LRP6: variants seen among roughly 807,000 people sequenced by gnomAD.
LRP6 encodes low-density lipoprotein receptor-related protein 6.
LRP6 carries 43 observed loss-of-function variants against 184.1 expected under a neutral mutation model. The observed-to-expected ratio is 0.23, with a 90% CI of 0.18 to 0.30. The LOEUF (loss-of-function observed/expected upper bound fraction) is 0.30, where lower values mean the gene tolerates loss of function less well. LRP6 is among the 10% of genes least tolerant of loss of function. LRP6 has a pLI of 1.00. For synonymous variants in LRP6, 719 were observed against 684.9 expected, an observed-to-expected ratio of 1.05 and a Z score of -0.78; for missense variants, 1,571 against 2,005.3, an observed-to-expected ratio of 0.78 and a Z score of 4.14.
At chr12:12,223,652 C>T (rs1481041091) in intron 2 of LRP6, among the ~76,000 whole-genome samples, 2 of 151,898 alleles carry the variant, frequency 1.3e-5, no homozygotes, top group Non-Finnish European at 2.9e-5. Flanking sequence ...TCTACTACTC[C>T]TATCTTAATT....
intron 4 of LRP6, 114 bp from the exon 5 acceptor site, chr12:12,184,225 G>C: frequency 2.4e-6 from 2 of 830,578 alleles, no homozygotes; most frequent in Non-Finnish European, 4.1e-6. Flanking sequence ...TGTCATGCAG[G>C]TGCTTGACTA....
chr12:12,149,551 G>C (rs1950052958), intron 13 of LRP6, among the ~76,000 whole-genome samples: 1 of 152,204 alleles, frequency 6.6e-6, no homozygotes, highest in Admixed American at 6.5e-5. Context: ...ATGGGCATTT[G>C]GCAATGTATG....
intron 19 of LRP6, among the ~76,000 whole-genome samples, chr12:12,127,731 GA>G (rs149152483): frequency 0.029 from 4,480 of 152,182 alleles, 218 homozygotes; most frequent in African/African-American, 0.1. Context: ...TATTCAGAGG[GA>G]AAATTCTTCC....
Position 12,267,042 on chromosome 12 carries a change from T to G in LRP6, c.-307A>C. 2.3e-6 allele frequency: 1 copy of G among 431,268 alleles called. No homozygotes were observed. Among genetic ancestry groups the G allele is most frequent in the East Asian group, 4.6e-5 (1 of 21,548 alleles). The allele number at this position is 431,268 out of a possible 1,614,324, so 26.7% of individuals were successfully genotyped here. On this transcript the variant is annotated 5_prime_UTR_variant, in exon 1 of 23. Coordinates refer to ENST00000261349, the MANE Select transcript of LRP6 (RefSeq NM_002336.3). ...TCTGCCTCGCGCAGCGGCGCAGGGA[T>G]ACGGTCGGCACCGCCTCCTAGGGTC...
At chr12:12,190,300 G>A (rs917799087) in intron 3 of LRP6, among the ~76,000 whole-genome samples, 3 of 152,164 alleles carry the variant, frequency 2.0e-5, no homozygotes, top group African/African-American at 7.2e-5. Flanking sequence ...GATCATGGCT[G>A]CTAAGAACCA....
At chr12:12,232,010 C>A (rs1032057274) in intron 2 of LRP6, among the ~76,000 whole-genome samples, 8 of 147,422 alleles carry the variant, frequency 5.4e-5, no homozygotes, top group African/African-American at 1.5e-4. Flanking sequence ...AAAAAAAAAA[C>A]AAAAACAAAA....
intron 14 of LRP6, among the ~76,000 whole-genome samples, 165 bp downstream of exon 14, chr12:12,148,777 A>C (rs921496853): frequency 6.6e-6 from 1 of 152,316 alleles, no homozygotes; most frequent in Middle Eastern, 3.4e-3. Context: ...AAATCAGAGA[A>C]AGTGTAAGAC....
Position 12,136,953 on chromosome 12 carries a change from G to A in LRP6, c.3607+1372C>T, listed in dbSNP as rs535659321. 3.9e-5 allele frequency among the ~76,000 whole-genome samples: 6 copies of A among 152,060 alleles called. No homozygotes were observed. In the South Asian group the frequency reaches 6.2e-4, roughly 16 times the overall value. On this transcript the variant is annotated intron_variant, in intron 16 of 22. Transcript: ENST00000261349. ...TTCTGTAATAAAATATTCATGTATCGACTAAATAAATAACTTAGGTATGAT... is the reference window on the plus strand; with the variant it reads ...TTCTGTAATAAAATATTCATGTATCAACTAAATAAATAACTTAGGTATGAT...
chr12:12,197,238 A>G (rs1310180685), intron 3 of LRP6, among the ~76,000 whole-genome samples: 1 of 152,234 alleles, frequency 6.6e-6, no homozygotes, highest in African/African-American at 2.4e-5. Context: ...ATGACCCTAA[A>G]TAGTCTTTAA....
Position 12,236,266 on chromosome 12 carries a change from G to T in LRP6, c.449+7996C>A, listed in dbSNP as rs569392420. 5.3e-5 allele frequency among the ~76,000 whole-genome samples: 8 copies of T among 151,934 alleles called. 1 individual carries two copies. In the South Asian group the frequency reaches 1.7e-3, roughly 32 times the overall value. On this transcript the variant is annotated intron_variant, in intron 2 of 22. Coordinates refer to ENST00000261349, the MANE Select transcript of LRP6 (RefSeq NM_002336.3). ...AATAAATAAACAAACAAACAATGAG[G>T]GCATGTACAAATGACTCAGGAACCA...
intron 12 of LRP6, among the ~76,000 whole-genome samples, chr12:12,157,945 C>T (rs1411817134): frequency 1.3e-5 from 2 of 151,998 alleles, no homozygotes; most frequent in African/African-American, 2.4e-5. Flanking sequence ...GTGTACTTGC[C>T]GGTATTTAAA....
At chr12:12,226,057 G>T (rs762039969) in intron 2 of LRP6, among the ~76,000 whole-genome samples, 1 of 152,128 alleles carries the variant, frequency 6.6e-6, no homozygotes, top group Non-Finnish European at 1.5e-5. Flanking sequence ...CACAGAAGAA[G>T]AGAAATACTT....
At chr12:12,192,044 T>C (rs898939035) in intron 3 of LRP6, among the ~76,000 whole-genome samples, 1 of 152,066 alleles carries the variant, frequency 6.6e-6, no homozygotes, top group Non-Finnish European at 1.5e-5. Context: ...TGTTTTCTCT[T>C]TTTCCTTTAA....
At position 12,121,220 on chromosome 12, in the gene LRP6, T is replaced by G; in HGVS notation, c.4748A>C (p.Asn1583Thr). The stretch of plus-strand genomic sequence containing the variant: ...TGGAGAAGGTGGGCAGCTTTCATAG[T>G]TCTCCTCTGCTGACAAGTATTGGCT... ...PRSQYLSAEE[N>T]YESCPPSPYT... Residue 1583 changes from asparagine (N) to threonine (T), a missense_variant, in exon 23 of 23, where the codon AAC becomes ACC. Asn to Thr is a moderately conservative substitution (Grantham distance 65). Around this residue, in one of 4 missense-constraint regions of LRP6, gnomAD observed 763 missense variants for 859.5 expected, o/e 0.89. Transcript: ENST00000261349. The G allele has an allele frequency of 6.2e-7, 1 of 1,614,180 alleles. No homozygotes were observed. Among genetic ancestry groups the G allele is most frequent in the Non-Finnish European group, 8.5e-7 (1 of 1,180,024 alleles).
chr12:12,206,832 G>A (rs1286772739), intron 2 of LRP6, among the ~76,000 whole-genome samples: 1 of 151,766 alleles, frequency 6.6e-6, no homozygotes, highest in Non-Finnish European at 1.5e-5. Context: ...AAATGCCTGC[G>A]GTTTGGGAAA....
intron 2 of LRP6, among the ~76,000 whole-genome samples, chr12:12,217,724 TA>T (rs1270214713): frequency 3.3e-5 from 5 of 151,974 alleles, no homozygotes; most frequent in Non-Finnish European, 7.4e-5. Flanking sequence ...AATCCAAAAA[TA>T]AACCCTTATA....
chr12:12,191,117 A>C (rs1041122953), intron 3 of LRP6, among the ~76,000 whole-genome samples: 1 of 152,262 alleles, frequency 6.6e-6, no homozygotes, highest in African/African-American at 2.4e-5. Context: ...ATCTGAGAAC[A>C]GCAACCAGCT....
intron 3 of LRP6, among the ~76,000 whole-genome samples, chr12:12,195,130 T>A (rs772096338): frequency 6.6e-6 from 1 of 152,142 alleles, no homozygotes. Flanking sequence ...TGATACCACA[T>A]CTTGGCTACT....
rs561221449 is a variant in LRP6 at position 12,120,581 on chromosome 12, A to C, written c.*545T>G. On this transcript the variant is annotated 3_prime_UTR_variant, in exon 23 of 23. Transcript: ENST00000261349. ...CTCACTAGCACTGTTGGATTCCTAG[A>C]GAAAACAAAGCCCTTCGTCCAAGGT... is the stretch of plus-strand genomic sequence containing the variant. The C allele has an allele frequency of 2.0e-5, 3 of 152,590 alleles. No individual in the cohort carries two copies. The highest frequency in any genetic ancestry group is 4.4e-5 in the Non-Finnish European group (3 of 68,176). 9.5% of individuals were successfully genotyped at this position (152,590 alleles called of 1,614,324 possible). A position where few individuals can be genotyped will look rare whatever the true frequency, so the allele number is the denominator to read the frequency against.
Sources: allele counts gnomAD v4.1 joint callset (sites outside exome capture counted in the v4.1 genomes callset), GRCh38; gene constraint gnomAD v4.1.1; regional missense constraint gnomAD v4.1.1; transcripts MANE v1.5; gene names NCBI Gene and HGNC (gene_info 2026-07-23, HGNC 2026-07-21).